The following CYP4F12 variants were observed in gnomAD, a reference collection of about 807,000 sequenced individuals.
The protein encoded by CYP4F12 is cytochrome P450 4F12.
Under a neutral mutation model 56.5 loss-of-function variants are expected in CYP4F12, and 60 were observed. The ratio of observed to expected loss-of-function variants is 1.06; its 90% confidence interval spans 0.86 to 1.32. The LOEUF (loss-of-function observed/expected upper bound fraction) is 1.32, where lower values mean the gene tolerates loss of function less well. Among genes scored for constraint, CYP4F12 ranks in the 40% most tolerant of loss-of-function variants. CYP4F12 has a pLI of 0.00. For synonymous variants in CYP4F12, 263 were observed against 264.9 expected (o/e 0.99, Z 0.07); for missense variants, 711 against 683.5 (o/e 1.04, Z -0.45).
At position 15,684,813 on chromosome 19, in the gene CYP4F12, C is replaced by T. The variant is rs764415522; in HGVS notation, c.919-3C>T. On this transcript the variant is annotated splice_region_variant and splice_polypyrimidine_tract_variant and intron_variant, in intron 7 of 12. Coordinates refer to ENST00000550308, the MANE Select transcript of CYP4F12 (RefSeq NM_023944.4). ...GTGTGTGTGTGTCTTGCTTTCTCTTCAGGATGAAGATGGGAAGGCATTGTC... is the reference window on the plus strand; with the variant it reads ...GTGTGTGTGTGTCTTGCTTTCTCTTTAGGATGAAGATGGGAAGGCATTGTC... The T allele has an allele frequency of 6.6e-7, 1 of 1,517,868 alleles. No homozygotes were observed. Among genetic ancestry groups the T allele is most frequent in the Non-Finnish European group, 9.0e-7 (1 of 1,107,944 alleles). 94.0% of individuals were successfully genotyped at this position (1,517,868 alleles called of 1,614,324 possible).
intron 9 of CYP4F12, among the ~76,000 whole-genome samples, chr19:15,686,980 G>C (rs1278951933): frequency 6.6e-6 from 1 of 152,130 alleles, no homozygotes; most frequent in Non-Finnish European, 1.5e-5. Flanking sequence ...ACAAAAAAAA[G>C]TGTCTAAAAC....
intron 9 of CYP4F12, among the ~76,000 whole-genome samples, chr19:15,691,878 C>T (rs937082316): frequency 3.9e-5 from 6 of 152,092 alleles, no homozygotes; most frequent in East Asian, 1.9e-4. Flanking sequence ...TTCACATGCC[C>T]GTCTCTGACC....
chr19:15,688,013 G>A (rs1285490491), intron 9 of CYP4F12, among the ~76,000 whole-genome samples: 2 of 152,192 alleles, frequency 1.3e-5, no homozygotes, highest in Admixed American at 1.3e-4. Context: ...GCTGCAGACA[G>A]GAGTTCAGAA....
At chr19:15,685,575 T>G (rs892559737) in intron 9 of CYP4F12, among the ~76,000 whole-genome samples, 1 of 152,152 alleles carries the variant, frequency 6.6e-6, no homozygotes, top group Admixed American at 6.5e-5. Context: ...TGTCAATTCT[T>G]CCATTATTGC....
intron 2 of CYP4F12, among the ~76,000 whole-genome samples, chr19:15,675,290 T>C (rs115476381): frequency 0.93 from 123,232 of 132,598 alleles, 58,024 homozygotes; most frequent in East Asian, 1. Flanking sequence ...GATTGATCGG[T>C]GTGTCCACAG....
At chr19:15,686,603 G>A (rs1030234192) in intron 9 of CYP4F12, among the ~76,000 whole-genome samples, 1 of 152,220 alleles carries the variant, frequency 6.6e-6, no homozygotes, top group African/African-American at 2.4e-5. Context: ...CTATGGTAGT[G>A]AAAGCAGAGT....
Position 15,696,225 on chromosome 19 carries a change from G to A in CYP4F12, c.1314G>A (p.Glu438=), listed in dbSNP as rs2008131162. Residue 438 remains glutamate, a splice_region_variant and synonymous_variant, in exon 11 of 13, where the codon GAG becomes GAA. Transcript: ENST00000550308. ...HHNPTVWPDP[E]VYDPFRFDPE... ...ACCCAACTGTGTGGCCGGATCCTGA[G>A]GTGCTGCCTTCCCCATTCACCACCA... The A allele has an allele frequency of 1.2e-6, 2 of 1,613,964 alleles. No individual in the cohort carries two copies. Among genetic ancestry groups the A allele is most frequent in the African/African-American group, 2.7e-5 (2 of 74,894 alleles).
intron 2 of CYP4F12, among the ~76,000 whole-genome samples, chr19:15,677,950 C>G (rs62106475): frequency 0.074 from 137 of 1,844 alleles, 27 homozygotes; most frequent in East Asian, 0.5. Context: ...TCATTCCTCT[C>G]CTCACTCACT....
chr19:15,684,991 A>G (rs1016840061), intron 8 of CYP4F12, 77 bp from the exon 9 acceptor site: 5 of 1,576,232 alleles, frequency 3.2e-6, no homozygotes, highest in African/African-American at 1.4e-5. Flanking sequence ...CCCTCCCTCC[A>G]TCCTCCTGAG....
chr19:15,674,869 G>C (rs920088778), intron 2 of CYP4F12, among the ~76,000 whole-genome samples: 2 of 152,124 alleles, frequency 1.3e-5, no homozygotes, highest in Non-Finnish European at 2.9e-5. Context: ...TGGTTGTGGG[G>C]TGCACAGAGC....
intron 1 of CYP4F12, 180 bp from the exon 2 acceptor site, chr19:15,673,349 G>A: frequency 1.6e-6 from 1 of 639,490 alleles, no homozygotes; most frequent in Non-Finnish European, 2.7e-6. Flanking sequence ...GGTTACTGGA[G>A]GCCACTTAGT....
chr19:15,688,945 A>G (rs1396039394), intron 9 of CYP4F12, among the ~76,000 whole-genome samples: 1 of 152,218 alleles, frequency 6.6e-6, no homozygotes, highest in East Asian at 1.9e-4. Context: ...CTCACCTTGT[A>G]CAAAAATCAA....
In CYP4F12 at chr19:15,673,121, TG is replaced by T; in HGVS notation, c.-15del. ...GGAGAAGAGGTTGTGTGGGACAAGC[TG>T]CTCCCGACAGAAGGTACCAGGCTGG... is the stretch of plus-strand genomic sequence containing the variant. On this transcript the variant is annotated 5_prime_UTR_variant, in exon 1 of 13. Transcript: ENST00000550308. 2 of 419,844 alleles carry T rather than the reference TG, an allele frequency of 4.8e-6. No homozygotes were observed. Among genetic ancestry groups the T allele is most frequent in the Non-Finnish European group, 4.6e-6 (1 of 215,670 alleles). The allele number at this position is 419,844 out of a possible 1,614,324, so 26.0% of individuals were successfully genotyped here. A position where few individuals can be genotyped will look rare whatever the true frequency, so the allele number is the denominator to read the frequency against.
Position 15,680,524 on chromosome 19 carries a change from G to A in CYP4F12, c.525+5G>A, listed in dbSNP as rs1362577263. ...AAGAGTGCAAACATCATGCTTGTGA[G>A]TCCCTTGAAGTCTGGGTCCCAGATG... On this transcript the variant is annotated splice_donor_5th_base_variant and intron_variant, in intron 5 of 12. Coordinates refer to ENST00000550308, the MANE Select transcript of CYP4F12 (RefSeq NM_023944.4). 6.2e-7 allele frequency: 1 copy of A among 1,614,026 alleles called. No individual in the cohort carries two copies. Among genetic ancestry groups the A allele is most frequent in the Non-Finnish European group, 8.5e-7 (1 of 1,180,036 alleles).
chr19:15,691,003 G>A (rs1237572626), intron 9 of CYP4F12, among the ~76,000 whole-genome samples: 1 of 152,062 alleles, frequency 6.6e-6, no homozygotes, highest in Non-Finnish European at 1.5e-5. Flanking sequence ...TCAATACTGT[G>A]TCTGACAGAT....
intron 5 of CYP4F12, chr19:15,680,960 T>C (rs988771425): frequency 2.0e-5 from 6 of 296,442 alleles, no homozygotes; most frequent in African/African-American, 1.3e-4. Context: ...TGATCCTGGC[T>C]CAGTTCATTC....
intron 9 of CYP4F12, among the ~76,000 whole-genome samples, chr19:15,686,592 A>G (rs375396170): frequency 9.2e-5 from 14 of 152,304 alleles, no homozygotes; most frequent in African/African-American, 3.4e-4. Flanking sequence ...TGAGATAATA[A>G]CTATGGTAGT....
intron 5 of CYP4F12, 140 bp from the exon 6 acceptor site, chr19:15,682,249 T>A (rs918557634): frequency 3.4e-6 from 4 of 1,188,584 alleles, no homozygotes; most frequent in Non-Finnish European, 4.7e-6. Context: ...CGCATCCCAG[T>A]CTGGTCCTCG....
intron 9 of CYP4F12, among the ~76,000 whole-genome samples, chr19:15,695,509 A>C (rs10402258): frequency 1.3e-5 from 2 of 150,280 alleles, no homozygotes; most frequent in African/African-American, 4.9e-5. Flanking sequence ...ATAATAAAAA[A>C]AAAAAAACAA....
Sources: allele counts gnomAD v4.1 joint callset (sites outside exome capture counted in the v4.1 genomes callset), GRCh38; gene constraint gnomAD v4.1.1; transcripts MANE v1.5; gene names NCBI Gene and HGNC (gene_info 2026-07-23, HGNC 2026-07-21).